The following SGSM2 variants were observed in gnomAD, a reference collection of about 807,000 sequenced individuals.
The protein encoded by SGSM2 is small G protein signaling modulator 2.
A neutral mutation model predicts 126.6 loss-of-function variants in SGSM2; 89 were observed. The observed-to-expected ratio is 0.70, with a 90% CI of 0.59 to 0.84. The LOEUF is 0.84. Among genes scored for constraint, SGSM2 ranks in the 40% least tolerant of loss-of-function variants. The pLI is 0.00. For synonymous variants in SGSM2, 614 were observed against 574.3 expected (o/e 1.07, Z -0.99); for missense variants, 1,404 against 1,416.6 (o/e 0.99, Z 0.14).
Position 2,372,312 on chromosome 17 carries a change from G to T in SGSM2, c.1643-31G>T, listed in dbSNP as rs1296697464. 4 of 1,609,048 alleles carry T rather than the reference G, an allele frequency of 2.5e-6. No individual in the cohort carries two copies. Among genetic ancestry groups the T allele is most frequent in the Non-Finnish European group, 3.4e-6 (4 of 1,177,930 alleles). On this transcript the variant is annotated intron_variant, in intron 14 of 23. Coordinates refer to ENST00000268989, the MANE Select transcript of SGSM2 (RefSeq NM_014853.3). This position sits in a 1 kb window ranked among gnomAD's most constrained non-coding sequence, Gnocchi z 6.0. ...TGGGGGCGGGCGGCCCTGGGTCCCA[G>T]CCTCCTGCTGCCCACCGCTGCCCAC...
intron 13 of SGSM2, 110 bp downstream of exon 13, chr17:2,371,525 G>A (rs1017186309): frequency 5.2e-6 from 7 of 1,338,410 alleles, no homozygotes; most frequent in Non-Finnish European, 6.0e-6. Flanking sequence ...CCTCTAGAGT[G>A]GGACAGATCT....
In SGSM2 at chr17:2,373,317, T is replaced by C; in HGVS notation, c.1918-14T>C. 6.2e-7 allele frequency: 1 copy of C among 1,605,346 alleles called. No homozygotes were observed. The highest frequency in any genetic ancestry group is 1.7e-5 in the Admixed American group (1 of 59,818). The stretch of plus-strand genomic sequence containing the variant: ...GCACGCTTCCCCCATGGTCGTGGTG[T>C]GGTCTGAGTACAGGTGGACGCAGTG... On this transcript the variant is annotated splice_polypyrimidine_tract_variant and intron_variant, in intron 16 of 23. Transcript: ENST00000268989.
At chr17:2,374,562 G>A (rs188092679) in intron 17 of SGSM2, 4 of 152,288 alleles carry the variant, frequency 2.6e-5, no homozygotes, top group Non-Finnish European at 5.9e-5. Context: ...GGGCCATAGA[G>A]TGAGACACCC....
rs557318796 is a variant in SGSM2, at chr17:2,376,465, C to T, written c.2609+204C>T. On this transcript the variant is annotated intron_variant, in intron 19 of 23. Coordinates refer to ENST00000268989, the MANE Select transcript of SGSM2 (RefSeq NM_014853.3). ...GCCTACCAGACCTCCACTTCAGCCA[C>T]ACCTCTTCAGGAAGCTTTCCCTCAT... The T allele has an allele frequency of 1.9e-3, 1,262 of 679,158 alleles. 18 individuals carry two copies. In the African/African-American group the frequency reaches 0.019, roughly 10 times the overall value. The allele number at this position is 679,158 out of a possible 1,614,324, so 42.1% of individuals were successfully genotyped here.
In SGSM2 at chr17:2,380,457, G is replaced by GCCTCCCGC; in HGVS notation, c.*937_*938insCCTCCCGC. 1.4e-6 allele frequency: 1 copy of GCCTCCCGC among 719,060 alleles called. No individual in the cohort carries two copies. The highest frequency in any genetic ancestry group is 2.4e-6 in the Non-Finnish European group (1 of 421,544). 44.5% of individuals were successfully genotyped at this position (719,060 alleles called of 1,614,324 possible). On this transcript the variant is annotated 3_prime_UTR_variant, in exon 24 of 24. Transcript: ENST00000268989. ...TGTCGCAGACATCTGCCATGTCCCT[G>GCCTCCCGC]AGACTGCGGGAGGCAGGGGATGCAT...
chr17:2,351,705 A>G (rs2064860378), intron 2 of SGSM2, among the ~76,000 whole-genome samples: 1 of 152,060 alleles, frequency 6.6e-6, no homozygotes, highest in Non-Finnish European at 1.5e-5. Flanking sequence ...CTGCAGGTCT[A>G]CGCACCACCA....
In SGSM2 at chr17:2,371,414, C is replaced by T. The variant is rs764202540; in HGVS notation, c.1576C>T (p.Arg526Trp). Reference protein sequence around the residue: ...TPSHCSCIPDRLPLRLLCESM... With the variant: ...TPSHCSCIPDWLPLRLLCESM... ...CAGCCACTGTAGCTGCATCCCCGAC[C>T]GGTGAGTGGGCAGCGCTCGGCCCCA... The change falls in exon 13 of 24, where the codon CGG becomes TGG. Residue 526 changes from arginine (R) to tryptophan (W), a missense_variant and splice_region_variant. Physicochemically the swap from Arg to Trp is moderately radical, Grantham distance 101 (BLOSUM62 -3). Coordinates refer to ENST00000268989, the MANE Select transcript of SGSM2 (RefSeq NM_014853.3). The T allele has an allele frequency of 2.3e-5, 37 of 1,593,954 alleles. No homozygotes were observed. Among genetic ancestry groups the T allele is most frequent in the Non-Finnish European group, 3.1e-5 (36 of 1,169,374 alleles).
intron 2 of SGSM2, among the ~76,000 whole-genome samples, chr17:2,353,181 G>A (rs1567811178): frequency 6.6e-6 from 1 of 152,046 alleles, no homozygotes; most frequent in South Asian, 2.1e-4. Context: ...TCCCTGCCCC[G>A]CTCAGGTCAC....
intron 2 of SGSM2, among the ~76,000 whole-genome samples, chr17:2,348,912 C>A (rs762732980): frequency 6.6e-6 from 1 of 152,030 alleles, no homozygotes; most frequent in African/African-American, 2.4e-5. Context: ...CAGGTCTACG[C>A]GCCACCACAC....
At chr17:2,365,911 A>G (rs1308788435) in intron 11 of SGSM2, among the ~76,000 whole-genome samples, 5 of 151,878 alleles carry the variant, frequency 3.3e-5, no homozygotes, top group African/African-American at 1.2e-4. Context: ...ATGCCCGGCT[A>G]ATTTTTGTAT....
chr17:2,375,485 C>A lies in SGSM2; in HGVS notation c.2101-7C>A. The A allele has an allele frequency of 6.3e-7, 1 of 1,599,694 alleles. No homozygotes were observed. Among genetic ancestry groups the A allele is most frequent in the Non-Finnish European group, 8.5e-7 (1 of 1,171,312 alleles). ...GCAGGTGGAGCCGCCCTGTGTTCACCCCCCAGGTGTTTATCTCAGTGGATG... is the reference window on the plus strand; with the variant it reads ...GCAGGTGGAGCCGCCCTGTGTTCACACCCCAGGTGTTTATCTCAGTGGATG... On this transcript the variant is annotated splice_polypyrimidine_tract_variant and splice_region_variant and intron_variant, in intron 17 of 23. Transcript: ENST00000268989.
intron 18 of SGSM2, 25 bp from the exon 19 acceptor site, chr17:2,376,112 G>A (rs932461142): frequency 6.2e-6 from 10 of 1,613,662 alleles, no homozygotes; most frequent in Non-Finnish European, 7.6e-6. Context: ...CCGGTCTCAT[G>A]CCTGAGGGCC....
chr17:2,377,794 G>A, intron 21 of SGSM2, 63 bp from the exon 22 acceptor site: 1 of 1,096,346 alleles, frequency 9.1e-7, no homozygotes, highest in Non-Finnish European at 1.4e-6. Flanking sequence ...CGGACGGTGA[G>A]TGGCGGCCAG....
In SGSM2 at chr17:2,372,965, C is replaced by G. The variant is rs1322404652; in HGVS notation, c.1801C>G (p.Leu601Val). ...YQKDKKNYKE[L>V]ELLRQVYYGG... The stretch of plus-strand genomic sequence containing the variant: ...CCGGGTCCCTCAGAACTACAAAGAG[C>G]TGGAGCTGCTGCGGCAAGTTTACTA... Residue 601 changes from leucine to valine, a missense_variant, in exon 16 of 24, where the codon CTG becomes GTG. Physicochemically the swap from Leu to Val is conservative, Grantham distance 32. Transcript: ENST00000268989. The surrounding 1 kb of genome is among the most constrained non-coding windows in gnomAD (Gnocchi z 6.0). 1 of 1,567,538 alleles carries G rather than the reference C, an allele frequency of 6.4e-7. No homozygotes were observed. Among genetic ancestry groups the G allele is most frequent in the Admixed American group, 1.9e-5 (1 of 53,122 alleles).
At position 2,375,707 on chromosome 17, in the gene SGSM2, G is replaced by A. The variant is rs754160149; in HGVS notation, c.2316G>A (p.Gln772=). The A allele has an allele frequency of 1.9e-6, 3 of 1,612,060 alleles. No homozygotes were observed. Among genetic ancestry groups the A allele is most frequent in the Admixed American group, 1.7e-5 (1 of 59,968 alleles). Residue 772 remains glutamine, a synonymous_variant, in exon 18 of 24, where the codon CAG becomes CAA. Transcript: ENST00000268989. ...TCCAGTCAAGCCTAGATGAGGGGCA[G>A]AGCGTGGGCTTCGAAGAGGAGGACG... ...SGIQSSLDEG[Q]SVGFEEEDGG...
At position 2,376,268 on chromosome 17, in the gene SGSM2, T is replaced by G; in HGVS notation, c.2609+7T>G. The G allele has an allele frequency of 1.2e-6, 2 of 1,612,380 alleles. No individual in the cohort carries two copies. Among genetic ancestry groups the G allele is most frequent in the Non-Finnish European group, 1.7e-6 (2 of 1,179,422 alleles). On this transcript the variant is annotated splice_region_variant and intron_variant, in intron 19 of 23. Transcript: ENST00000268989. Reference sequence around the variant, plus strand: ...TCAGAGACGTCATGTGCAGGTGCCTTGTGGGGCGGGGCTCAGGGTGGGAGG... The same window carrying G: ...TCAGAGACGTCATGTGCAGGTGCCTGGTGGGGCGGGGCTCAGGGTGGGAGG...
chr17:2,343,114 G>T (rs2064450527), intron 1 of SGSM2, among the ~76,000 whole-genome samples: 2 of 152,218 alleles, frequency 1.3e-5, no homozygotes, highest in Admixed American at 1.3e-4. Flanking sequence ...CCTGAGGTAT[G>T]AGACCTACCC....
intron 1 of SGSM2, among the ~76,000 whole-genome samples, chr17:2,341,402 T>G (rs2064363159): frequency 6.6e-6 from 1 of 152,186 alleles, no homozygotes; most frequent in African/African-American, 2.4e-5. Flanking sequence ...TTTTAACAGC[T>G]TAGAGTGCAT....
chr17:2,353,716 G>T (rs1304667601), intron 2 of SGSM2, among the ~76,000 whole-genome samples: 1 of 152,004 alleles, frequency 6.6e-6, no homozygotes, highest in Non-Finnish European at 1.5e-5. Flanking sequence ...GGTGAACAGA[G>T]ATTGTGCCCA....
Sources: gnomAD v4.1 joint callset for allele counts (sites outside exome capture counted in the v4.1 genomes callset) on GRCh38, gnomAD v4.1.1 for gene constraint, Gnocchi (gnomAD v3.1) non-coding constraint, MANE v1.5 for transcripts, NCBI Gene and HGNC (gene_info 2026-07-23, HGNC 2026-07-21) for gene names.